Variants in SLC4A7 observed in about 807,000 individuals in gnomAD.
SLC4A7 encodes sodium bicarbonate cotransporter 3.
A neutral mutation model predicts 137.6 loss-of-function variants in SLC4A7; 51 were observed. The ratio of observed to expected loss-of-function variants is 0.37; its 90% confidence interval spans 0.30 to 0.47. The LOEUF is 0.47. Among genes scored for constraint, SLC4A7 ranks in the 20% least tolerant of loss-of-function variants. SLC4A7 has a pLI of 1.00. For missense variants in SLC4A7, 1,247 were observed against 1,525.4 expected (o/e 0.82, Z 3.04); for synonymous variants, 542 against 518.6 (o/e 1.05, Z -0.61).
chr3:27,389,981 G>C lies in SLC4A7; in HGVS notation c.3310C>G (p.Leu1104Val). 6.2e-7 allele frequency: 1 copy of C among 1,613,840 alleles called. No individual in the cohort carries two copies. ...FTVIQLTCLV[L>V]LWVIKVSAAA... The stretch of plus-strand genomic sequence containing the variant: ...GCTGAAACTTTTATCACCCATAAAA[G>C]GACCAAACAAGTAAGCTGAATGACT... The change falls in exon 22 of 26, where the codon CTT (leucine) becomes GTT (valine). Residue 1104 changes from leucine to valine, a missense_variant. This residue lies in a region of SLC4A7 where 290 missense variants were observed against 323.8 expected (regional missense o/e 0.90). Coordinates refer to ENST00000454389, the MANE Select transcript of SLC4A7 (RefSeq NM_001321103.2).
chr3:27,421,557 G>A (rs752195710), intron 9 of SLC4A7, 65 bp downstream of exon 9: 94 of 1,222,238 alleles, frequency 7.7e-5, no homozygotes, highest in East Asian at 1.9e-4. Context: ...TTGTTCATTC[G>A]CTGGATTAAA....
intron 3 of SLC4A7, among the ~76,000 whole-genome samples, chr3:27,447,951 C>A (rs2057785369): frequency 6.6e-6 from 1 of 152,030 alleles, no homozygotes; most frequent in African/African-American, 2.4e-5. Flanking sequence ...GTGGCTCACA[C>A]CTGTAATCCC....
chr3:27,398,171 C>A, intron 17 of SLC4A7, 21 bp downstream of exon 17: 2 of 1,567,274 alleles, frequency 1.3e-6, no homozygotes, highest in African/African-American at 1.4e-5. Context: ...TACCAGAATT[C>A]CAAAATTATA....
chr3:27,381,495 G>A (rs1373239319), intron 24 of SLC4A7, among the ~76,000 whole-genome samples: 1 of 152,038 alleles, frequency 6.6e-6, no homozygotes, highest in Non-Finnish European at 1.5e-5. Flanking sequence ...ATGCCTCTAT[G>A]CTTGGCATTT....
chr3:27,409,229 C>T, intron 13 of SLC4A7, 127 bp downstream of exon 13: 2 of 684,642 alleles, frequency 2.9e-6, no homozygotes, highest in Admixed American at 2.9e-5. Flanking sequence ...GGAAAGTCTG[C>T]TTTGGGTCAC....
chr3:27,411,058 A>G (rs554336175), intron 12 of SLC4A7, among the ~76,000 whole-genome samples: 3 of 152,296 alleles, frequency 2.0e-5, no homozygotes, highest in South Asian at 2.1e-4. Context: ...TGAAAATACT[A>G]TAACATTTAT....
At chr3:27,456,689 T>C (rs1174427143) in intron 1 of SLC4A7, 5 of 1,611,390 alleles carry the variant, frequency 3.1e-6, no homozygotes, top group African/African-American at 2.7e-5. Flanking sequence ...TCCATAGTAA[T>C]ATAGAAATGC....
At chr3:27,468,386 T>C (rs2059096319) in intron 1 of SLC4A7, among the ~76,000 whole-genome samples, 1 of 152,186 alleles carries the variant, frequency 6.6e-6, no homozygotes, top group Non-Finnish European at 1.5e-5. Flanking sequence ...GCAATGCAAT[T>C]TGTCAACCAA....
At chr3:27,416,114 T>C (rs2054361348) in intron 11 of SLC4A7, among the ~76,000 whole-genome samples, 1 of 152,208 alleles carries the variant, frequency 6.6e-6, no homozygotes, top group Admixed American at 6.5e-5. Context: ...GTTTACAGTA[T>C]TGCAGTAAAC....
chr3:27,418,450 A>G (rs550386786), intron 11 of SLC4A7, 36 bp downstream of exon 11: 153 of 1,551,470 alleles, frequency 9.9e-5, no homozygotes, highest in Non-Finnish European at 1.2e-4. Flanking sequence ...TTATTAAAAT[A>G]AAGTAAGTCA....
At chr3:27,399,008 GA>G (rs533969253) in intron 16 of SLC4A7, among the ~76,000 whole-genome samples, 21,498 of 137,498 alleles carry the variant, frequency 0.16, 1,489 homozygotes, top group Middle Eastern at 0.21. Context: ...TTCCTTTAGG[GA>G]AAAAAAAAAA....
intron 2 of SLC4A7, among the ~76,000 whole-genome samples, chr3:27,450,172 G>A (rs1263495000): frequency 6.6e-6 from 1 of 152,018 alleles, no homozygotes; most frequent in African/African-American, 2.4e-5. Context: ...ATTAAAAGAG[G>A]GACAACTTAA....
chr3:27,473,093 A>G (rs1240103166), intron 1 of SLC4A7, among the ~76,000 whole-genome samples: 1 of 149,358 alleles, frequency 6.7e-6, no homozygotes, highest in East Asian at 2.0e-4. Flanking sequence ...AAAAAAAAAA[A>G]GGATTAGAAT....
At chr3:27,384,356 C>T (rs2050724853) in intron 23 of SLC4A7, among the ~76,000 whole-genome samples, 1 of 152,090 alleles carries the variant, frequency 6.6e-6, no homozygotes, top group Non-Finnish European at 1.5e-5. Flanking sequence ...GTCTCTAATG[C>T]TAACATGACA....
In SLC4A7 at chr3:27,394,637, A is replaced by C. The variant is rs1438466695; in HGVS notation, c.2998T>G (p.Ser1000Ala). ...TGTTCCCCTGGAGCAGAACATTCAGATTCAACTTTTAAGCTGTTGACATGA... is the reference window on the plus strand; with the variant it reads ...TGTTCCCCTGGAGCAGAACATTCAGCTTCAACTTTTAAGCTGTTGACATGA... ...ISHVNSLKVE[S>A]ECSAPGEQPK... The change falls in exon 20 of 26, where the codon TCT (serine) becomes GCT (alanine). Residue 1000 changes from serine (S) to alanine (A), a missense_variant. By Grantham distance (99) the Ser-to-Ala change is moderately conservative. Coordinates refer to ENST00000454389, the MANE Select transcript of SLC4A7 (RefSeq NM_001321103.2). 3 of 1,614,054 alleles carry C rather than the reference A, an allele frequency of 1.9e-6. No individual in the cohort carries two copies. The highest frequency in any genetic ancestry group is 2.5e-6 in the Non-Finnish European group (3 of 1,180,024).
At chr3:27,471,614 C>T (rs929652153) in intron 1 of SLC4A7, among the ~76,000 whole-genome samples, 3 of 152,134 alleles carry the variant, frequency 2.0e-5, no homozygotes, top group African/African-American at 4.8e-5. Flanking sequence ...TCAGGTGATC[C>T]GCCCACCTCG....
intron 7 of SLC4A7, among the ~76,000 whole-genome samples, chr3:27,424,932 G>A (rs1017251715): frequency 1.2e-4 from 19 of 152,148 alleles, no homozygotes; most frequent in African/African-American, 4.3e-4. Flanking sequence ...GATTTCAAAG[G>A]ACAGACACAT....
At chr3:27,430,528 G>A (rs549602757) in intron 7 of SLC4A7, among the ~76,000 whole-genome samples, 1 of 150,104 alleles carries the variant, frequency 6.7e-6, no homozygotes, top group Non-Finnish European at 1.5e-5. Context: ...GCTGAGGCAG[G>A]AGGATTGCTT....
At position 27,448,808 on chromosome 3, in the gene SLC4A7, G is replaced by A; in HGVS notation, c.143-11C>T. 3 of 1,551,658 alleles carry A rather than the reference G, an allele frequency of 1.9e-6. No individual in the cohort carries two copies. Among genetic ancestry groups the A allele is most frequent in the South Asian group, 1.2e-5 (1 of 81,540 alleles). The stretch of plus-strand genomic sequence containing the variant: ...ATACAGCTCTATGACCTATTAAAAG[G>A]TTCAGAAACATATTACTAGCTTTCC... On this transcript the variant is annotated splice_polypyrimidine_tract_variant and intron_variant, in intron 2 of 25. Coordinates refer to ENST00000454389, the MANE Select transcript of SLC4A7 (RefSeq NM_001321103.2).
Sources: allele counts gnomAD v4.1 joint callset (sites outside exome capture counted in the v4.1 genomes callset), GRCh38; gene constraint gnomAD v4.1.1; regional missense constraint gnomAD v4.1.1; transcripts MANE v1.5; gene names NCBI Gene and HGNC (gene_info 2026-07-23, HGNC 2026-07-21).